SEC22C: variants seen among roughly 807,000 people sequenced by gnomAD.
The protein encoded by SEC22C is SEC22 homolog C, vesicle trafficking protein, also known as vesicle-trafficking protein SEC22c.
Under a neutral mutation model 34.7 loss-of-function variants are expected in SEC22C, and 29 were observed. The ratio of observed to expected loss-of-function variants is 0.84; its 90% CI spans 0.62 to 1.14. The LOEUF (loss-of-function observed/expected upper bound fraction) is 1.14, where lower values mean the gene tolerates loss of function less well. Among genes scored for constraint, SEC22C ranks in the 50% most tolerant of loss-of-function variants. The pLI, the probability that SEC22C is intolerant of heterozygous loss-of-function variation, is 0.00. For synonymous variants in SEC22C, 117 were observed against 132.8 expected (o/e 0.88, Z 0.82); for missense variants, 337 against 369.0 (o/e 0.91, Z 0.71).
intron 1 of SEC22C, among the ~76,000 whole-genome samples, chr3:42,598,466 T>A (rs1372432952): frequency 6.6e-6 from 1 of 151,962 alleles, no homozygotes; most frequent in African/African-American, 2.4e-5. Context: ...TAGCTGGGAT[T>A]ACAGGTGCCT....
chr3:42,588,142 G>A (rs926368115), intron 1 of SEC22C, among the ~76,000 whole-genome samples: 2 of 151,740 alleles, frequency 1.3e-5, no homozygotes, highest in East Asian at 1.9e-4. Flanking sequence ...GGTGGCTCAC[G>A]CCTGTAATCC....
chr3:42,577,170 G>A (rs1280639368), intron 1 of SEC22C, among the ~76,000 whole-genome samples: 1 of 152,082 alleles, frequency 6.6e-6, no homozygotes, highest in African/African-American at 2.4e-5. Context: ...GAAAACATAG[G>A]AGGAAATCTT....
Position 42,553,341 on chromosome 3 carries a change from C to A in SEC22C, c.819G>T (p.Trp273Cys). The change falls in exon 7 of 7, where the codon TGG (tryptophan) becomes TGT (cysteine). Residue 273 changes from tryptophan (W) to cysteine (C), a missense_variant. Trp to Cys is a radical substitution (Grantham distance 215, BLOSUM62 -2). Coordinates refer to ENST00000264454, the MANE Select transcript of SEC22C (RefSeq NM_032970.4). ...CCACTCCTATGTGGAAAAGGATTTG[C>A]CAGAGGTTCCTCAGCCCGTGCAGGT... ...NMYLHGLRNL[W>C]QILFHIGVAF... The A allele has an allele frequency of 6.2e-7, 1 of 1,614,076 alleles. No individual in the cohort carries two copies. The highest frequency in any genetic ancestry group is 8.5e-7 in the Non-Finnish European group (1 of 1,180,030).
Position 42,551,506 on chromosome 3 carries a change from TA to T in SEC22C, c.*1741del. On this transcript the variant is annotated 3_prime_UTR_variant, in exon 7 of 7. Coordinates refer to ENST00000264454, the MANE Select transcript of SEC22C (RefSeq NM_032970.4). ...ACAGGCATGTGCCATCACATCCGGC[TA>T]ATTTTTTTTTTTGTAGAGATGAATC... is the stretch of plus-strand genomic sequence containing the variant. 1 of 489,056 alleles carries T rather than the reference TA, an allele frequency of 2.0e-6. No individual in the cohort carries two copies. The highest frequency in any genetic ancestry group is 2.7e-6 in the Non-Finnish European group (1 of 376,798). The allele number at this position is 489,056 out of a possible 1,614,324, so 30.3% of individuals were successfully genotyped here. A position where few individuals can be genotyped will look rare whatever the true frequency, so the allele number is the denominator to read the frequency against.
At position 42,548,346 on chromosome 3, in the gene SEC22C, A is replaced by AGG; in HGVS notation, c.*4900_*4901dup. The AGG allele has an allele frequency of 2.3e-6, 1 of 440,230 alleles. No individual in the cohort carries two copies. The highest frequency in any genetic ancestry group is 4.1e-6 in the Non-Finnish European group (1 of 244,724). 27.3% of individuals were successfully genotyped at this position (440,230 alleles called of 1,614,324 possible). ...GCAACCCCAGAATCATATAAATGTA[A>AGG]GGGTTAAAGGTCATATGTACTAAGC... On this transcript the variant is annotated 3_prime_UTR_variant, in exon 7 of 7. Coordinates refer to ENST00000264454, the MANE Select transcript of SEC22C (RefSeq NM_032970.4).
chr3:42,600,912 C>A, intron 1 of SEC22C: 1 of 967,846 alleles, frequency 1.0e-6, no homozygotes, highest in Non-Finnish European at 1.4e-6. Flanking sequence ...TTCGTCTCAG[C>A]CCCGCCCTCG....
At chr3:42,555,892 T>C in intron 6 of SEC22C, 38 bp downstream of exon 6, 1 of 1,508,666 alleles carries the variant, frequency 6.6e-7, no homozygotes, top group Non-Finnish European at 9.2e-7. Context: ...AGTAAGGTCA[T>C]GGATTTAATC....
chr3:42,566,466 G>A (rs926118458), intron 2 of SEC22C, among the ~76,000 whole-genome samples: 3 of 152,108 alleles, frequency 2.0e-5, no homozygotes, highest in Non-Finnish European at 4.4e-5. Flanking sequence ...CACGAGGTTA[G>A]GAGCTCGAGA....
At chr3:42,568,716 G>T in intron 2 of SEC22C, 149 bp downstream of exon 2, 4 of 529,498 alleles carry the variant, frequency 7.6e-6, no homozygotes, top group Admixed American at 3.5e-5. Context: ...TTTCTTTTAT[G>T]ATTCTGTTGT....
intron 1 of SEC22C, among the ~76,000 whole-genome samples, chr3:42,578,902 A>C (rs1427613713): frequency 6.6e-6 from 1 of 152,208 alleles, no homozygotes; most frequent in African/African-American, 2.4e-5. Flanking sequence ...CCTTTACTAC[A>C]TCACATTTCT....
intron 1 of SEC22C, among the ~76,000 whole-genome samples, chr3:42,578,789 A>G (rs982094176): frequency 1.3e-5 from 2 of 152,180 alleles, no homozygotes; most frequent in Admixed American, 6.5e-5. Context: ...TTTTGTTTAA[A>G]TATAATTTTT....
chr3:42,551,764 G>A lies in SEC22C; in HGVS notation c.*1484C>T. On this transcript the variant is annotated 3_prime_UTR_variant, in exon 7 of 7. Coordinates refer to ENST00000264454, the MANE Select transcript of SEC22C (RefSeq NM_032970.4). Reference sequence around the variant, plus strand: ...CTTATTTTTCTTAAAATGATAACAAGGTAGCTCAATAACAATACAATACCA... The same window carrying A: ...CTTATTTTTCTTAAAATGATAACAAAGTAGCTCAATAACAATACAATACCA... 4.1e-6 allele frequency: 4 copies of A among 968,626 alleles called. No homozygotes were observed. The highest frequency in any genetic ancestry group is 4.9e-6 in the Non-Finnish European group (4 of 814,732). 60.0% of individuals were successfully genotyped at this position (968,626 alleles called of 1,614,324 possible).
At chr3:42,587,573 A>G (rs1198989950) in intron 1 of SEC22C, 1 of 151,950 alleles carries the variant, frequency 6.6e-6, no homozygotes, top group African/African-American at 2.4e-5. Context: ...CTGAAAAAAA[A>G]AAAATACAAA....
Position 42,548,457 on chromosome 3 carries a change from G to T in SEC22C, c.*4791C>A. On this transcript the variant is annotated 3_prime_UTR_variant, in exon 7 of 7. Coordinates refer to ENST00000264454, the MANE Select transcript of SEC22C (RefSeq NM_032970.4). The stretch of plus-strand genomic sequence containing the variant: ...CAACAGCTCTGCCATCAATACACAT[G>T]GGCAGATGTTTCCGAATCCAGCCAT... 1 of 769,748 alleles carries T rather than the reference G, an allele frequency of 1.3e-6. No individual in the cohort carries two copies. Among genetic ancestry groups the T allele is most frequent in the Admixed American group, 2.4e-5 (1 of 42,318 alleles). The allele number at this position is 769,748 out of a possible 1,614,324, so 47.7% of individuals were successfully genotyped here.
At chr3:42,559,679 T>C (rs948771174) in intron 4 of SEC22C, among the ~76,000 whole-genome samples, 3 of 152,266 alleles carry the variant, frequency 2.0e-5, no homozygotes, top group South Asian at 2.1e-4. Flanking sequence ...AAGACTATTA[T>C]AGTGTAGACA....
At chr3:42,600,939 C>A in intron 1 of SEC22C, 1 of 1,254,940 alleles carries the variant, frequency 8.0e-7, no homozygotes, top group Non-Finnish European at 1.1e-6. Flanking sequence ...CCCTCGCCCC[C>A]GCCCTCGCCC....
rs1359006948 is a variant in SEC22C, at chr3:42,550,845, C to T, written c.*2403G>A. On this transcript the variant is annotated 3_prime_UTR_variant, in exon 7 of 7. Coordinates refer to ENST00000264454, the MANE Select transcript of SEC22C (RefSeq NM_032970.4). ...TGCCACATAGGAAAAGAAAACAGTC[C>T]ATTTTTAAGCCGTTCTTACCGACTT... 3.1e-6 allele frequency: 3 copies of T among 982,052 alleles called. No individual in the cohort carries two copies. The highest frequency in any genetic ancestry group is 3.5e-5 in the African/African-American group (2 of 56,380). The allele number at this position is 982,052 out of a possible 1,614,324, so 60.8% of individuals were successfully genotyped here.
chr3:42,590,223 AG>A (rs1283245130), intron 1 of SEC22C, among the ~76,000 whole-genome samples: 3 of 152,204 alleles, frequency 2.0e-5, no homozygotes, highest in African/African-American at 7.2e-5. Flanking sequence ...GCCTGGCAGG[AG>A]ACAATGCCAT....
intron 1 of SEC22C, chr3:42,591,585 G>T: frequency 6.2e-7 from 1 of 1,613,544 alleles, no homozygotes; most frequent in Non-Finnish European, 8.5e-7. Context: ...CAAGGGCCGC[G>T]GGAACGAGTG....
Sources: gnomAD v4.1 joint callset for allele counts (sites outside exome capture counted in the v4.1 genomes callset) on GRCh38, gnomAD v4.1.1 for gene constraint, MANE v1.5 for transcripts, NCBI Gene and HGNC (gene_info 2026-07-23, HGNC 2026-07-21) for gene names.